Variants in CHRM3 observed in about 807,000 individuals in gnomAD.
CHRM3 encodes muscarinic acetylcholine receptor M3.
In CHRM3, 11 loss-of-function variants were observed where a neutral mutation model predicts 41.8. That is an observed-to-expected ratio of 0.26 (90% CI 0.17 to 0.44). The LOEUF (loss-of-function observed/expected upper bound fraction) is 0.44. Ranked by LOEUF, CHRM3 falls within the 20% of genes least tolerant of loss-of-function variation. CHRM3 has a pLI of 1.00. For synonymous variants in CHRM3, 297 were observed against 301.4 expected, an observed-to-expected ratio of 0.99 and a Z score of 0.15; for missense variants, 571 against 745.4, an observed-to-expected ratio of 0.77 and a Z score of 2.72.
At chr1:239,561,400 A>G (rs968393636) in intron 3 of CHRM3, among the ~76,000 whole-genome samples, 3 of 152,018 alleles carry the variant, frequency 2.0e-5, no homozygotes, top group Non-Finnish European at 4.4e-5. Context: ...CTACCAGACT[A>G]CCTTCTCCTG....
Position 239,754,722 on chromosome 1 carries a change from G to T in CHRM3, c.-146-72530G>T, listed in dbSNP as rs1666102321. 2.0e-5 allele frequency among the ~76,000 whole-genome samples: 3 copies of T among 152,302 alleles called. No individual in the cohort carries two copies. In the South Asian group the frequency reaches 6.2e-4, roughly 32 times the overall value. ...GCTCAGGACCCAAAGAACCCTACCA[G>T]AATCTGTGGGGACTAGTGCTGTGTT... On this transcript the variant is annotated intron_variant, in intron 5 of 6. Coordinates refer to ENST00000676153, the MANE Select transcript of CHRM3 (RefSeq NM_001375978.1).
chr1:239,488,442 C>T (rs563054656), intron 1 of CHRM3, among the ~76,000 whole-genome samples: 95 of 151,766 alleles, frequency 6.3e-4, no homozygotes, highest in Admixed American at 3.7e-3. Flanking sequence ...GGGCCAGGCG[C>T]GGGTGGCACA....
At chr1:239,572,275 T>A (rs1053148238) in intron 3 of CHRM3, among the ~76,000 whole-genome samples, 1 of 152,206 alleles carries the variant, frequency 6.6e-6, no homozygotes, top group Non-Finnish European at 1.5e-5. Flanking sequence ...TTGGACCCCG[T>A]TGATAAAACG....
rs72760745 is a variant in CHRM3 at position 239,909,368 on chromosome 1, T to C, written c.*144T>C. On this transcript the variant is annotated 3_prime_UTR_variant, in exon 7 of 7. Transcript: ENST00000676153. Reference sequence around the variant, plus strand: ...GTGAAAGAAGCTGCCTGTTTACTGATCCATTGAATAAACCCATTTTAATAG... The same window carrying C: ...GTGAAAGAAGCTGCCTGTTTACTGACCCATTGAATAAACCCATTTTAATAG... 17,547 of 737,298 alleles carry C rather than the reference T, an allele frequency of 0.024. 299 individuals carry two copies. Among genetic ancestry groups the C allele is most frequent in the African/African-American group, 0.061 (3,402 of 55,682 alleles). 45.7% of individuals were successfully genotyped at this position (737,298 alleles called of 1,614,324 possible).
chr1:239,844,991 C>T (rs1174794321), intron 6 of CHRM3, among the ~76,000 whole-genome samples: 2 of 152,074 alleles, frequency 1.3e-5, no homozygotes, highest in African/African-American at 4.8e-5. Flanking sequence ...TTCCAACTGC[C>T]AGATGGAAGC....
intron 5 of CHRM3, among the ~76,000 whole-genome samples, chr1:239,719,371 T>G (rs1030321216): frequency 6.6e-6 from 1 of 152,040 alleles, no homozygotes; most frequent in African/African-American, 2.4e-5. Flanking sequence ...TATAGCACCC[T>G]ATAATTCAGC....
intron 6 of CHRM3, among the ~76,000 whole-genome samples, chr1:239,842,906 C>T (rs1224539766): frequency 6.6e-6 from 1 of 152,146 alleles, no homozygotes; most frequent in African/African-American, 2.4e-5. Flanking sequence ...CAGGGTCCTA[C>T]ATGGTATTTC....
chr1:239,780,778 A>G (rs1244435757), intron 5 of CHRM3, among the ~76,000 whole-genome samples: 1 of 151,098 alleles, frequency 6.6e-6, no homozygotes, highest in South Asian at 2.1e-4. Context: ...TTTTGAGTTA[A>G]TGTTTTGTGA....
chr1:239,682,854 TG>T (rs1658703362), intron 5 of CHRM3, among the ~76,000 whole-genome samples: 1 of 152,228 alleles, frequency 6.6e-6, no homozygotes, highest in Admixed American at 6.5e-5. Context: ...ATTGACTTTT[TG>T]TTTTTAATTG....
chr1:239,528,050 G>T (rs183006665), intron 2 of CHRM3, among the ~76,000 whole-genome samples: 1 of 152,168 alleles, frequency 6.6e-6, no homozygotes, highest in Non-Finnish European at 1.5e-5. Context: ...CTAAAATGAG[G>T]ACCCTCAAAG....
intron 1 of CHRM3, among the ~76,000 whole-genome samples, chr1:239,444,181 T>C (rs964273059): frequency 1.3e-5 from 2 of 152,128 alleles, no homozygotes; most frequent in African/African-American, 4.8e-5. Flanking sequence ...TGGGTCTTTG[T>C]TCAGGAGTCA....
At chr1:239,480,609 T>A (rs935839113) in intron 1 of CHRM3, among the ~76,000 whole-genome samples, 1 of 139,986 alleles carries the variant, frequency 7.1e-6, no homozygotes, top group Admixed American at 7.9e-5. Context: ...CAGGCTGGAG[T>A]GCAGTGGCAC....
At chr1:239,405,719 C>A (rs1558197407) in intron 1 of CHRM3, among the ~76,000 whole-genome samples, 17 of 152,068 alleles carry the variant, frequency 1.1e-4, no homozygotes. Context: ...TTTAAAGGTT[C>A]AAAATGCACC....
chr1:239,596,544 C>T (rs776540415), intron 3 of CHRM3, among the ~76,000 whole-genome samples: 1 of 151,984 alleles, frequency 6.6e-6, no homozygotes, highest in Non-Finnish European at 1.5e-5. Context: ...GATAACTATG[C>T]CATTTCTTTT....
intron 3 of CHRM3, among the ~76,000 whole-genome samples, chr1:239,567,347 C>T (rs1661453944): frequency 6.6e-6 from 1 of 151,750 alleles, no homozygotes; most frequent in Admixed American, 6.6e-5. Context: ...GTAAGCTCTC[C>T]TTGGGCACCT....
At chr1:239,575,492 G>A (rs560277436) in intron 3 of CHRM3, among the ~76,000 whole-genome samples, 1 of 152,228 alleles carries the variant, frequency 6.6e-6, no homozygotes, top group Admixed American at 6.5e-5. Flanking sequence ...CACAGTATTT[G>A]TTTGGCTTAC....
intron 5 of CHRM3, among the ~76,000 whole-genome samples, chr1:239,805,803 A>G (rs1161098675): frequency 6.6e-6 from 1 of 152,200 alleles, no homozygotes. Context: ...AGTATAAAAC[A>G]CTCTGCAAAG....
intron 6 of CHRM3, among the ~76,000 whole-genome samples, chr1:239,865,853 CAG>C (rs1283089305): frequency 6.6e-6 from 1 of 152,140 alleles, no homozygotes; most frequent in Admixed American, 6.5e-5. Flanking sequence ...TCCTTGAATA[CAG>C]AGAGTTGGTC....
At chr1:239,831,725 C>T (rs1278802903) in intron 6 of CHRM3, among the ~76,000 whole-genome samples, 2 of 152,138 alleles carry the variant, frequency 1.3e-5, no homozygotes, top group East Asian at 1.9e-4. Flanking sequence ...GGTGCTTGAC[C>T]CAGACATATA....
Sources: gnomAD v4.1 joint callset for allele counts (sites outside exome capture counted in the v4.1 genomes callset) on GRCh38, gnomAD v4.1.1 for gene constraint, MANE v1.5 for transcripts, NCBI Gene and HGNC (gene_info 2026-07-23, HGNC 2026-07-21) for gene names.